Variants in ZNF622 observed in about 807,000 individuals in gnomAD.
ZNF622 encodes zinc finger protein 622, also known as cytoplasmic 60S subunit biogenesis factor ZNF622.
A neutral mutation model predicts 49.7 loss-of-function variants in ZNF622; 34 were observed. The observed-to-expected ratio is 0.68, with a 90% CI of 0.52 to 0.91. The LOEUF is 0.91. ZNF622 is among the 40% of genes least tolerant of loss of function. The pLI, the probability that ZNF622 is intolerant of heterozygous loss-of-function variation, is 0.00. For missense variants in ZNF622, 569 were observed against 616.4 expected, an observed-to-expected ratio of 0.92 and a Z score of 0.81; for synonymous variants, 209 against 228.7, an observed-to-expected ratio of 0.91 and a Z score of 0.78.
chr5:16,463,006 G>C lies in ZNF622; in HGVS notation c.1049+102C>G. 8.3e-7 allele frequency: 1 copy of C among 1,209,608 alleles called. No homozygotes were observed. The highest frequency in any genetic ancestry group is 1.1e-6 in the Non-Finnish European group (1 of 873,726). 74.9% of individuals were successfully genotyped at this position (1,209,608 alleles called of 1,614,324 possible). ...CAGAGGTGTTATAAGTGTTATTAAGGATATGTTGTACAGTGCCAAACATAT... is the reference window on the plus strand; with the variant it reads ...CAGAGGTGTTATAAGTGTTATTAAGCATATGTTGTACAGTGCCAAACATAT... On this transcript the variant is annotated intron_variant, in intron 3 of 5. Coordinates refer to ENST00000308683, the MANE Select transcript of ZNF622 (RefSeq NM_033414.3). This position sits in a 1 kb window ranked among gnomAD's most constrained non-coding sequence, Gnocchi z 4.2.
chr5:16,453,382 T>C (rs753226307), intron 4 of ZNF622, among the ~76,000 whole-genome samples: 3 of 151,326 alleles, frequency 2.0e-5, no homozygotes, highest in Admixed American at 6.6e-5. Flanking sequence ...AACCAAACAA[T>C]AGATTTTTTA....
Position 16,465,723 on chromosome 5 carries a change from C to T in ZNF622, c.-58G>A, listed in dbSNP as rs1367823610. On this transcript the variant is annotated 5_prime_UTR_variant, in exon 1 of 6. Transcript: ENST00000308683. The surrounding 1 kb of genome is among the most constrained non-coding windows in gnomAD (Gnocchi z 6.2). The stretch of plus-strand genomic sequence containing the variant: ...AACACCTGGTGATCAGCGCCGTGGC[C>T]CCACAAGACCCTCAGACCTTAACCC... 22 of 1,515,450 alleles carry T rather than the reference C, an allele frequency of 1.5e-5. No homozygotes were observed. Among genetic ancestry groups the T allele is most frequent in the Non-Finnish European group, 1.9e-5 (21 of 1,134,878 alleles). 93.9% of individuals were successfully genotyped at this position (1,515,450 alleles called of 1,614,324 possible). A position where few individuals can be genotyped will look rare whatever the true frequency, so the allele number is the denominator to read the frequency against.
In ZNF622 at chr5:16,463,213, A is replaced by G. The variant is rs199608331; in HGVS notation, c.944T>C (p.Phe315Ser). 2.5e-5 allele frequency: 41 copies of G among 1,613,664 alleles called. No individual in the cohort carries two copies. Among genetic ancestry groups the G allele is most frequent in the Non-Finnish European group, 3.4e-5 (40 of 1,179,946 alleles). ...TGCCTGTACAGCTTCTGTGGAGTAG[A>G]AGGACTTCCCTTTCTCGTTGCACCA... ...CLWCNEKGKS[F>S]YSTEAVQAHM... The change falls in exon 3 of 6, where the codon TTC (phenylalanine) becomes TCC (serine). Residue 315 changes from phenylalanine to serine, a missense_variant. Physicochemically the swap from Phe to Ser is radical, Grantham distance 155. Coordinates refer to ENST00000308683, the MANE Select transcript of ZNF622 (RefSeq NM_033414.3). This position sits in a 1 kb window ranked among gnomAD's most constrained non-coding sequence, Gnocchi z 4.2.
At position 16,463,889 on chromosome 5, in the gene ZNF622, A is replaced by G. The variant is rs149487851; in HGVS notation, c.626-147T>C. 525 of 820,586 alleles carry G rather than the reference A, an allele frequency of 6.4e-4. 9 individuals are homozygous for G. In the East Asian group the frequency reaches 0.011, roughly 17 times the overall value. 50.8% of individuals were successfully genotyped at this position (820,586 alleles called of 1,614,324 possible). On this transcript the variant is annotated intron_variant, in intron 1 of 5. Transcript: ENST00000308683. This position sits in a 1 kb window ranked among gnomAD's most constrained non-coding sequence, Gnocchi z 4.2. ...GGACAACTCCTCTTTCAAGATCTCA[A>G]TTTTAGCTATTTGTTTACCACAGAC... is the stretch of plus-strand genomic sequence containing the variant.
intron 3 of ZNF622, among the ~76,000 whole-genome samples, chr5:16,461,955 A>G (rs1184208659): frequency 6.6e-6 from 1 of 152,212 alleles, no homozygotes; most frequent in East Asian, 1.9e-4. Context: ...TTAACTATCC[A>G]TGGTATTTGC....
Position 16,465,469 on chromosome 5 carries a change from G to A in ZNF622, c.197C>T (p.Ala66Val). Residue 66 changes from alanine (A) to valine (V), a missense_variant, in exon 1 of 6, where the codon GCC (alanine) becomes GTC (valine). Physicochemically the swap from Ala to Val is moderately conservative, Grantham distance 64. Transcript: ENST00000308683. The surrounding 1 kb of genome is among the most constrained non-coding windows in gnomAD (Gnocchi z 6.2). Reference sequence around the variant, plus strand: ...CTTACTGCAAACGGTGCAGTAGGTGGCCGAGCCCTTGCTCTCCTCCTCCGC... The same window carrying A: ...CTTACTGCAAACGGTGCAGTAGGTGACCGAGCCCTTGCTCTCCTCCTCCGC... ...AVAEEESKGS[A>V]TYCTVCSKKF... The A allele has an allele frequency of 6.2e-7, 1 of 1,614,224 alleles. No individual in the cohort carries two copies. Among genetic ancestry groups the A allele is most frequent in the Non-Finnish European group, 8.5e-7 (1 of 1,180,044 alleles).
chr5:16,465,632 C>T lies in ZNF622; in HGVS notation c.34G>A (p.Ala12Thr), dbSNP rs1226598845. 1.3e-6 allele frequency: 2 copies of T among 1,594,914 alleles called. No individual in the cohort carries two copies. The highest frequency in any genetic ancestry group is 2.2e-5 in the East Asian group (1 of 44,604). ...ATYTCITCRV[A>T]FRDADMQRAH... ...CGCTGCATGTCCGCGTCGCGGAACGCCACCCGGCAAGTTATGCAGGTGTAC... is the reference window on the plus strand; with the variant it reads ...CGCTGCATGTCCGCGTCGCGGAACGTCACCCGGCAAGTTATGCAGGTGTAC... Residue 12 changes from alanine (A) to threonine (T), a missense_variant, in exon 1 of 6, where the codon GCG becomes ACG. Ala to Thr is a moderately conservative substitution (Grantham distance 58). Coordinates refer to ENST00000308683, the MANE Select transcript of ZNF622 (RefSeq NM_033414.3). This position sits in a 1 kb window ranked among gnomAD's most constrained non-coding sequence, Gnocchi z 6.2.
intron 4 of ZNF622, among the ~76,000 whole-genome samples, chr5:16,453,736 C>G (rs1422691938): frequency 6.6e-6 from 1 of 151,800 alleles, no homozygotes; most frequent in Admixed American, 6.6e-5. Flanking sequence ...GGGATTTTAT[C>G]CAGCAAGGGA....
rs546310134 is a variant in ZNF622, at chr5:16,463,019, G to A, written c.1049+89C>T. The A allele has an allele frequency of 2.9e-6, 4 of 1,377,952 alleles. No individual in the cohort carries two copies. In the South Asian group the frequency reaches 5.6e-5, roughly 19 times the overall value. 85.4% of individuals were successfully genotyped at this position (1,377,952 alleles called of 1,614,324 possible). On this transcript the variant is annotated intron_variant, in intron 3 of 5. Transcript: ENST00000308683. This position sits in a 1 kb window ranked among gnomAD's most constrained non-coding sequence, Gnocchi z 4.2. ...AGTGTTATTAAGGATATGTTGTACAGTGCCAAACATATCCAGCACTGGCAC... is the reference window on the plus strand; with the variant it reads ...AGTGTTATTAAGGATATGTTGTACAATGCCAAACATATCCAGCACTGGCAC...
chr5:16,453,456 T>A (rs925235194), intron 4 of ZNF622, among the ~76,000 whole-genome samples: 7 of 150,652 alleles, frequency 4.6e-5, no homozygotes, highest in African/African-American at 1.7e-4. Flanking sequence ...TTGCATACAA[T>A]ATGCCTCCCC....
In ZNF622 at chr5:16,465,717, C is replaced by G; in HGVS notation, c.-52G>C. ...AAGCCAAACACCTGGTGATCAGCGC[C>G]GTGGCCCCACAAGACCCTCAGACCT... is the stretch of plus-strand genomic sequence containing the variant. On this transcript the variant is annotated 5_prime_UTR_variant, in exon 1 of 6. Coordinates refer to ENST00000308683, the MANE Select transcript of ZNF622 (RefSeq NM_033414.3). The surrounding 1 kb of genome is among the most constrained non-coding windows in gnomAD (Gnocchi z 6.2). The G allele has an allele frequency of 6.6e-7, 1 of 1,521,278 alleles. No individual in the cohort carries two copies. The highest frequency in any genetic ancestry group is 1.4e-5 in the African/African-American group (1 of 72,046). The allele number at this position is 1,521,278 out of a possible 1,614,324, so 94.2% of individuals were successfully genotyped here.
intron 5 of ZNF622, among the ~76,000 whole-genome samples, chr5:16,452,076 A>C (rs1310392587): frequency 2.0e-5 from 3 of 152,212 alleles, no homozygotes; most frequent in African/African-American, 7.2e-5. Context: ...TTAATCAGAA[A>C]GGCAGAAGCT....
intron 3 of ZNF622, among the ~76,000 whole-genome samples, chr5:16,459,414 C>G (rs1738087789): frequency 6.6e-6 from 1 of 152,092 alleles, no homozygotes; most frequent in Non-Finnish European, 1.5e-5. Context: ...CACTACACAC[C>G]CACCAAAGTT....
chr5:16,463,555 C>G lies in ZNF622; in HGVS notation c.813G>C (p.Met271Ile). Residue 271 changes from methionine to isoleucine, a missense_variant, in exon 2 of 6, where the codon ATG becomes ATC. Coordinates refer to ENST00000308683, the MANE Select transcript of ZNF622 (RefSeq NM_033414.3). The surrounding 1 kb of genome is among the most constrained non-coding windows in gnomAD (Gnocchi z 4.2). ...SSSLMKNVAH[M>I]TKDHSFFIPD... ...GAATAAAGAAACTGTGGTCTTTGGT[C>G]ATGTGAGCCACATTCTTCATCAGCG... is the stretch of plus-strand genomic sequence containing the variant. 1 of 1,614,176 alleles carries G rather than the reference C, an allele frequency of 6.2e-7. No homozygotes were observed.
intron 4 of ZNF622, among the ~76,000 whole-genome samples, chr5:16,453,585 ATATATAT>A (rs1323954323): frequency 7.4e-6 from 1 of 135,006 alleles, no homozygotes; most frequent in East Asian, 2.1e-4. Flanking sequence ...ATATATATAT[ATATATAT>A]ATATATATAT....
At chr5:16,464,697 C>T (rs528107162) in intron 1 of ZNF622, among the ~76,000 whole-genome samples, 2 of 152,290 alleles carry the variant, frequency 1.3e-5, no homozygotes, top group Admixed American at 1.3e-4. Flanking sequence ...CCACTAGAAT[C>T]GCAAATTACA....
chr5:16,460,443 G>A (rs759215901), intron 3 of ZNF622, among the ~76,000 whole-genome samples: 1 of 152,186 alleles, frequency 6.6e-6, no homozygotes, highest in Non-Finnish European at 1.5e-5. Context: ...TTTTAGCTGA[G>A]TGAATCCACA....
At chr5:16,455,351 A>T (rs1367344662) in intron 4 of ZNF622, among the ~76,000 whole-genome samples, 1 of 152,234 alleles carries the variant, frequency 6.6e-6, no homozygotes, top group Non-Finnish European at 1.5e-5. Context: ...TTAAGTCCCT[A>T]TACCTGCCAA....
intron 3 of ZNF622, among the ~76,000 whole-genome samples, chr5:16,460,768 A>C (rs946502658): frequency 9.2e-5 from 14 of 152,124 alleles, no homozygotes; most frequent in African/African-American, 3.4e-4. Context: ...AAGTTCATAT[A>C]ATTTCTCATT....
Sources: gnomAD v4.1 joint callset for allele counts (sites outside exome capture counted in the v4.1 genomes callset) on GRCh38, gnomAD v4.1.1 for gene constraint, Gnocchi (gnomAD v3.1) non-coding constraint, MANE v1.5 for transcripts, NCBI Gene and HGNC (gene_info 2026-07-23, HGNC 2026-07-21) for gene names.